Variants in THUMPD1 observed in about 807,000 individuals in gnomAD.
The protein encoded by THUMPD1 is THUMP domain 1 NAT10 acetyltransferase adaptor.
A neutral mutation model predicts 31.6 loss-of-function variants in THUMPD1; 31 were observed. The observed-to-expected ratio is 0.98, with a 90% CI of 0.74 to 1.32. The LOEUF is 1.32. THUMPD1 is among the 40% of genes most tolerant of loss of function. THUMPD1 has a pLI of 0.00. For synonymous variants in THUMPD1, 166 were observed against 158.2 expected (o/e 1.05, Z -0.37); for missense variants, 446 against 427.8 (o/e 1.04, Z -0.38).
At position 20,737,165 on chromosome 16, in the gene THUMPD1, AAAC is replaced by A. The variant is rs772419789; in HGVS notation, c.774_776del (p.Leu258del). On this transcript the variant is annotated inframe_deletion, in exon 4 of 4. Transcript: ENST00000396083. ...CCACCTCCTGGAGATTGTATTTTCT[AAAC>A]AACATGTAATCTTTCACAACACTCA... The A allele has an allele frequency of 6.2e-7, 1 of 1,614,200 alleles. No individual in the cohort carries two copies. The highest frequency in any genetic ancestry group is 8.5e-7 in the Non-Finnish European group (1 of 1,180,034).
chr16:20,734,259 T>G lies in THUMPD1; in HGVS notation c.*2621A>C, dbSNP rs1320968170. 1.3e-5 allele frequency: 2 copies of G among 152,650 alleles called. No individual in the cohort carries two copies. The highest frequency in any genetic ancestry group is 2.9e-5 in the Non-Finnish European group (2 of 68,026). The allele number at this position is 152,650 out of a possible 1,614,324, so 9.5% of individuals were successfully genotyped here. A position where few individuals can be genotyped will look rare whatever the true frequency, so the allele number is the denominator to read the frequency against. On this transcript the variant is annotated 3_prime_UTR_variant, in exon 4 of 4. Transcript: ENST00000396083. The stretch of plus-strand genomic sequence containing the variant: ...AATTTTCTTCCGAGTCCTTTTGTCT[T>G]GCACTATCAAAATAGAATCTTTGTC...
Position 20,736,637 on chromosome 16 carries a change from C to A in THUMPD1, c.*243G>T. 1 of 442,704 alleles carries A rather than the reference C, an allele frequency of 2.3e-6. No individual in the cohort carries two copies. The highest frequency in any genetic ancestry group is 4.1e-5 in the South Asian group (1 of 24,572). 27.4% of individuals were successfully genotyped at this position (442,704 alleles called of 1,614,324 possible). ...AGGAGCCTGGGAGAGGCCAACATCC[C>A]CCTCCTATCCTCCCCTCTTTGCAAC... is the stretch of plus-strand genomic sequence containing the variant. On this transcript the variant is annotated 3_prime_UTR_variant, in exon 4 of 4. Transcript: ENST00000396083.
intron 1 of THUMPD1, 129 bp from the exon 2 acceptor site, chr16:20,739,200 G>T: frequency 1.1e-6 from 1 of 936,272 alleles, no homozygotes. Flanking sequence ...TCTAAAGATG[G>T]AGTCTCGCTT....
In THUMPD1 at chr16:20,738,981, C is replaced by G. The variant is rs778451641; in HGVS notation, c.322G>C (p.Ala108Pro). 19 of 1,614,204 alleles carry G rather than the reference C, an allele frequency of 1.2e-5. No individual in the cohort carries two copies. In the East Asian group the frequency reaches 2.0e-4, roughly 17 times the overall value. Residue 108 changes from alanine to proline, a missense_variant, in exon 2 of 4, where the codon GCA becomes CCA. By Grantham distance (27) the Ala-to-Pro change is conservative. Coordinates refer to ENST00000396083, the MANE Select transcript of THUMPD1 (RefSeq NM_017736.5). ...ALKKEVGDIK[A>P]STEMRLRRFQ... ...CTTCTTAACCTCATCTCTGTAGATG[C>G]CTTAATGTCACCAACTTCTTTCTTC... is the stretch of plus-strand genomic sequence containing the variant.
intron 2 of THUMPD1, chr16:20,738,344 TA>T (rs879036790): frequency 2.7e-5 from 11 of 409,540 alleles, no homozygotes; most frequent in South Asian, 1.8e-4. Context: ...TGAGTCACTT[TA>T]AAAGATGTAA....
At chr16:20,741,373 C>T in intron 1 of THUMPD1, 136 bp downstream of exon 1, 2 of 1,130,294 alleles carry the variant, frequency 1.8e-6, no homozygotes, top group South Asian at 1.6e-5. Flanking sequence ...ACGGAAACGC[C>T]GGCGAGGCCA....
rs536258243 is a variant in THUMPD1, at chr16:20,735,804, C to T, written c.*1076G>A. ...CTACTTTTCAGTTAATGACACAAAA[C>T]CTTTTTTGCATCATATGACATATCA... On this transcript the variant is annotated 3_prime_UTR_variant, in exon 4 of 4. Coordinates refer to ENST00000396083, the MANE Select transcript of THUMPD1 (RefSeq NM_017736.5). 2.6e-5 allele frequency: 4 copies of T among 152,186 alleles called. No homozygotes were observed. The highest frequency in any genetic ancestry group is 2.0e-4 in the Admixed American group (3 of 15,270). 9.4% of individuals were successfully genotyped at this position (152,186 alleles called of 1,614,324 possible).
chr16:20,738,790 G>C, intron 2 of THUMPD1, 107 bp downstream of exon 2: 2 of 1,298,996 alleles, frequency 1.5e-6, no homozygotes, highest in African/African-American at 1.5e-5. Flanking sequence ...GCCATCAAAT[G>C]ATTAACTGAG....
rs1445493367 is a variant in THUMPD1 at position 20,741,522 on chromosome 16, T to C, written c.218A>G (p.Tyr73Cys). 4 of 1,014,934 alleles carry C rather than the reference T, an allele frequency of 3.9e-6. No individual in the cohort carries two copies. In the African/African-American group the frequency reaches 6.0e-5, roughly 15 times the overall value. 62.9% of individuals were successfully genotyped at this position (1,014,934 alleles called of 1,614,324 possible). ...CGGGACCGGTACCTTTTCTGGCCCATACATGTCGTCGCCGTATTCGTTGAG... is the reference window on the plus strand; with the variant it reads ...CGGGACCGGTACCTTTTCTGGCCCACACATGTCGTCGCCGTATTCGTTGAG... ...SLLNEYGDDM[Y>C]GPEKFTDKDQ... The change falls in exon 1 of 4, where the codon TAT (tyrosine) becomes TGT (cysteine). Residue 73 changes from tyrosine (Y) to cysteine (C), a missense_variant. By Grantham distance (194) the Tyr-to-Cys change is radical. Transcript: ENST00000396083.
intron 1 of THUMPD1, 30 bp downstream of exon 1, chr16:20,741,479 C>CGGGGGGGGGGGGGGGGGGGGGG: frequency 6.0e-6 from 8 of 1,329,524 alleles, no homozygotes; most frequent in Admixed American, 3.4e-5. Context: ...GCCTGGCAGC[C>CGGGGGGGGGGGGGGGGGGGGGG]GGCCCGCCCG....
chr16:20,739,293 A>G (rs1439873264), intron 1 of THUMPD1, among the ~76,000 whole-genome samples: 1 of 151,442 alleles, frequency 6.6e-6, no homozygotes, highest in Admixed American at 6.6e-5. Context: ...TTCCTGCCTC[A>G]GCCTCCCAAG....
chr16:20,741,458 C>T lies in THUMPD1; in HGVS notation c.231+51G>A, dbSNP rs992932064. On this transcript the variant is annotated intron_variant, in intron 1 of 3. Coordinates refer to ENST00000396083, the MANE Select transcript of THUMPD1 (RefSeq NM_017736.5). The stretch of plus-strand genomic sequence containing the variant: ...AGCAGCCATCCCTCCACCCTTCCCT[C>T]CTCCCGCAAGGCCTGGCAGCCGGCC... The T allele has an allele frequency of 2.7e-6, 4 of 1,474,448 alleles. No individual in the cohort carries two copies. In the African/African-American group the frequency reaches 5.7e-5, roughly 21 times the overall value. The allele number at this position is 1,474,448 out of a possible 1,614,324, so 91.3% of individuals were successfully genotyped here.
At chr16:20,741,172 G>C (rs1236642617) in intron 1 of THUMPD1, among the ~76,000 whole-genome samples, 1 of 152,206 alleles carries the variant, frequency 6.6e-6, no homozygotes, top group African/African-American at 2.4e-5. Flanking sequence ...TGAGACAGGA[G>C]AAGTCGAGGC....
rs748457438 is a variant in THUMPD1, at chr16:20,741,694, G to A, written c.46C>T (p.Arg16Cys). The part of the protein sequence containing the change: ...QQTTQPGGGK[R>C]KGKAQYVLAK... Reference sequence around the variant, plus strand: ...AGCACATACTGAGCCTTGCCTTTGCGCTTCCCGCCGCCAGGCTGAGTAGTC... The same window carrying A: ...AGCACATACTGAGCCTTGCCTTTGCACTTCCCGCCGCCAGGCTGAGTAGTC... The change falls in exon 1 of 4, where the codon CGC becomes TGC. Residue 16 changes from arginine (R) to cysteine (C), a missense_variant. Transcript: ENST00000396083. The A allele has an allele frequency of 1.2e-5, 19 of 1,578,492 alleles. No individual in the cohort carries two copies. Among genetic ancestry groups the A allele is most frequent in the Non-Finnish European group, 1.6e-5 (19 of 1,162,288 alleles).
Position 20,738,943 on chromosome 16 carries a change from C to G in THUMPD1, c.360G>C (p.Val120=), listed in dbSNP as rs763042953. The G allele has an allele frequency of 6.2e-7, 1 of 1,614,222 alleles. No homozygotes were observed. Among genetic ancestry groups the G allele is most frequent in the South Asian group, 1.1e-5 (1 of 91,086 alleles). ...TEMRLRRFQS[V]ESGANNVVFI... is the part of the protein sequence containing the mutation. ...AGACAACGTTATTTGCTCCACTTTC[C>G]ACTGACTGGAATCTTCTTAACCTCA... is the stretch of plus-strand genomic sequence containing the variant. The change falls in exon 2 of 4, where the codon GTG becomes GTC. Residue 120 remains valine (V), a synonymous_variant. Transcript: ENST00000396083.
chr16:20,741,606 C>G lies in THUMPD1; in HGVS notation c.134G>C (p.Gly45Ala). 6.4e-7 allele frequency: 1 copy of G among 1,573,474 alleles called. No homozygotes were observed. The highest frequency in any genetic ancestry group is 8.6e-7 in the Non-Finnish European group (1 of 1,159,492). Residue 45 changes from glycine to alanine, a missense_variant, in exon 1 of 4, where the codon GGC becomes GCC. Transcript: ENST00000396083. The stretch of plus-strand genomic sequence containing the variant: ...GTTCATATTGCAGGTGATGAGGATG[C>G]CCTGTAGCCCGGGCTCTAGCTGACG... ...GPRQLEPGLQ[G>A]ILITCNMNER...
intron 2 of THUMPD1, 75 bp downstream of exon 2, chr16:20,738,822 G>T: frequency 6.6e-7 from 1 of 1,526,018 alleles, no homozygotes; most frequent in Non-Finnish European, 8.9e-7. Flanking sequence ...AAGCCATTTT[G>T]TAAGCAGTAT....
rs888421304 is a variant in THUMPD1 at position 20,736,325 on chromosome 16, C to G, written c.*555G>C. The G allele has an allele frequency of 2.0e-5, 3 of 149,238 alleles. No homozygotes were observed. The highest frequency in any genetic ancestry group is 4.4e-5 in the Non-Finnish European group (3 of 67,964). 9.2% of individuals were successfully genotyped at this position (149,238 alleles called of 1,614,324 possible). ...AAAATGGTTCTCGTCTCTCTCACAT[C>G]TTGCCTTCCAAAATTGCGACACTGG... On this transcript the variant is annotated 3_prime_UTR_variant, in exon 4 of 4. Transcript: ENST00000396083.
chr16:20,741,348 G>T (rs2079918714), intron 1 of THUMPD1, among the ~76,000 whole-genome samples, 161 bp downstream of exon 1: 1 of 152,230 alleles, frequency 6.6e-6, no homozygotes, highest in South Asian at 2.1e-4. Context: ...GTCTGCGAGC[G>T]TCTCAGGACT....
Sources: gnomAD v4.1 joint callset for allele counts (sites outside exome capture counted in the v4.1 genomes callset) on GRCh38, gnomAD v4.1.1 for gene constraint, MANE v1.5 for transcripts, NCBI Gene and HGNC (gene_info 2026-07-23, HGNC 2026-07-21) for gene names.